Variants in RGS7 observed in about 807,000 individuals in gnomAD.
RGS7 encodes regulator of G protein signaling 7.
RGS7 carries 27 observed loss-of-function variants against 81.1 expected under a neutral mutation model. That is an observed-to-expected ratio of 0.33 (90% CI 0.25 to 0.46). The LOEUF is 0.46. Ranked by LOEUF, RGS7 falls within the 20% of genes least tolerant of loss-of-function variation. The probability of loss-of-function intolerance (pLI) is 1.00; values close to 1 mark genes in which losing one functional copy is unlikely to be tolerated. For missense variants in RGS7, 396 were observed against 607.4 expected (o/e 0.65, Z 3.66); for synonymous variants, 208 against 207.7 (o/e 1.00, Z -0.01).
At chr1:240,883,046 C>T (rs1388189964) in intron 6 of RGS7, among the ~76,000 whole-genome samples, 2 of 152,124 alleles carry the variant, frequency 1.3e-5, no homozygotes, top group African/African-American at 4.8e-5. Flanking sequence ...CCAGTTTCAT[C>T]CATGTCCCTA....
chr1:241,196,405 T>C (rs1050811798), intron 2 of RGS7, among the ~76,000 whole-genome samples: 1 of 152,084 alleles, frequency 6.6e-6, no homozygotes, highest in Non-Finnish European at 1.5e-5. Flanking sequence ...CCCCATCTGT[T>C]TGAAGTCATC....
At chr1:241,313,560 C>T (rs776480280) in intron 2 of RGS7, among the ~76,000 whole-genome samples, 19 of 152,212 alleles carry the variant, frequency 1.2e-4, no homozygotes, top group African/African-American at 2.9e-4. Flanking sequence ...AAAAGATTAA[C>T]GTTGTTTTCA....
At chr1:241,186,111 T>C (rs1295291334) in intron 2 of RGS7, among the ~76,000 whole-genome samples, 2 of 151,994 alleles carry the variant, frequency 1.3e-5, no homozygotes, top group Non-Finnish European at 2.9e-5. Context: ...AAGTTACAAA[T>C]TATCAATATC....
At chr1:240,966,176 A>G (rs1682267318) in intron 4 of RGS7, among the ~76,000 whole-genome samples, 2 of 152,158 alleles carry the variant, frequency 1.3e-5, no homozygotes, top group Non-Finnish European at 1.5e-5. Flanking sequence ...ATAAAAAAAA[A>G]GTCTGGATAT....
chr1:241,085,236 G>C (rs1261655074), intron 3 of RGS7, among the ~76,000 whole-genome samples: 1 of 152,168 alleles, frequency 6.6e-6, no homozygotes, highest in East Asian at 1.9e-4. Context: ...TAGAATTAAT[G>C]AATATCAAGA....
chr1:240,973,513 G>GA (rs34967473), intron 4 of RGS7, among the ~76,000 whole-genome samples: 34 of 147,486 alleles, frequency 2.3e-4, no homozygotes, highest in African/African-American at 4.8e-4. Context: ...GACTCTCAAA[G>GA]AAAAAAAAAA....
intron 4 of RGS7, among the ~76,000 whole-genome samples, chr1:240,956,278 G>C (rs2148455345): frequency 6.6e-6 from 1 of 150,622 alleles, no homozygotes; most frequent in Non-Finnish European, 1.5e-5. Context: ...CCAACTCCAA[G>C]AGTTCCCAAT....
At position 240,938,821 on chromosome 1, in the gene RGS7, C is replaced by CGTGTGT. The variant is rs112229453; in HGVS notation, c.227-2121_227-2116dup. On this transcript the variant is annotated intron_variant, in intron 4 of 18. Coordinates refer to ENST00000440928, the MANE Select transcript of RGS7 (RefSeq NM_001364886.1). ...GCATTTTTTTTTCATCAATTTTGTG[C>CGTGTGT]GTGTGTGTGTGTGTGTGTGTGTGTG... 4.8e-5 allele frequency among the ~76,000 whole-genome samples: 7 copies of CGTGTGT among 146,490 alleles called. No homozygotes were observed. The South Asian group carries it at 1.1e-3, about 23-fold the overall frequency.
intron 3 of RGS7, among the ~76,000 whole-genome samples, chr1:241,079,229 A>G (rs942534850): frequency 6.8e-6 from 1 of 147,466 alleles, no homozygotes; most frequent in African/African-American, 2.5e-5. Flanking sequence ...ATGAATCGGA[A>G]AGTGAAATTT....
intron 5 of RGS7, among the ~76,000 whole-genome samples, chr1:240,932,571 C>T (rs1429746319): frequency 7.2e-6 from 1 of 139,506 alleles, no homozygotes; most frequent in South Asian, 2.2e-4. Flanking sequence ...TGCAGTGGTG[C>T]GGTCTCAGCT....
chr1:241,115,239 A>C (rs2065808195), intron 2 of RGS7, among the ~76,000 whole-genome samples: 1 of 152,148 alleles, frequency 6.6e-6, no homozygotes, highest in South Asian at 2.1e-4. Flanking sequence ...CACTGGAATA[A>C]ACTCTTTAAA....
At chr1:240,907,590 A>G (rs1471819892) in intron 6 of RGS7, among the ~76,000 whole-genome samples, 2 of 152,166 alleles carry the variant, frequency 1.3e-5, no homozygotes, top group Non-Finnish European at 2.9e-5. Flanking sequence ...TGTTTCAGAA[A>G]TAGCACAAAA....
At chr1:240,792,186 G>A (rs550365969) in intron 18 of RGS7, among the ~76,000 whole-genome samples, 1 of 152,338 alleles carries the variant, frequency 6.6e-6, no homozygotes, top group African/African-American at 2.4e-5. Flanking sequence ...GTGAGACAGT[G>A]TGACATTTAT....
At chr1:240,895,327 G>A (rs190791972) in intron 6 of RGS7, among the ~76,000 whole-genome samples, 3 of 151,408 alleles carry the variant, frequency 2.0e-5, no homozygotes, top group East Asian at 1.9e-4. Context: ...CTAGGGTACA[G>A]GTGCACAATG....
rs139217572 is a variant in RGS7 at position 241,124,310 on chromosome 1, G to A, written c.79-25548C>T. ...CCTGGGAGGCTAAAGTGGGAGGATC[G>A]CTTGAGCCCAGGAGGTTGAGGCTGC... On this transcript the variant is annotated intron_variant, in intron 2 of 18. Transcript: ENST00000440928. 5.9e-3 allele frequency among the ~76,000 whole-genome samples: 895 copies of A among 152,024 alleles called. 9 individuals carry two copies. Among genetic ancestry groups the A allele is most frequent in the African/African-American group, 0.02 (845 of 41,440 alleles).
At chr1:240,962,193 T>C (rs1408699539) in intron 4 of RGS7, among the ~76,000 whole-genome samples, 1 of 152,094 alleles carries the variant, frequency 6.6e-6, no homozygotes, top group Non-Finnish European at 1.5e-5. Flanking sequence ...AGTAGAAAAG[T>C]TCTACCACTT....
intron 15 of RGS7, among the ~76,000 whole-genome samples, chr1:240,805,271 C>A (rs1284702194): frequency 6.6e-6 from 1 of 152,068 alleles, no homozygotes; most frequent in Non-Finnish European, 1.5e-5. Context: ...ATGGTCCCAG[C>A]TACTTGGGAG....
intron 3 of RGS7, among the ~76,000 whole-genome samples, chr1:241,092,238 T>C (rs2063933859): frequency 6.6e-6 from 1 of 152,208 alleles, no homozygotes; most frequent in Non-Finnish European, 1.5e-5. Context: ...GTAAATGGTA[T>C]AGTTTAAAAT....
At chr1:241,128,502 G>A (rs1280090517) in intron 2 of RGS7, among the ~76,000 whole-genome samples, 1 of 151,338 alleles carries the variant, frequency 6.6e-6, no homozygotes. Flanking sequence ...CTCGAGAAAC[G>A]CTTGAACCCG....
Sources: allele counts gnomAD v4.1 joint callset (sites outside exome capture counted in the v4.1 genomes callset), GRCh38; gene constraint gnomAD v4.1.1; transcripts MANE v1.5; gene names NCBI Gene and HGNC (gene_info 2026-07-23, HGNC 2026-07-21).